EFTUD2: variants seen among roughly 807,000 people sequenced by gnomAD.
EFTUD2 encodes 116 kDa U5 small nuclear ribonucleoprotein component.
A neutral mutation model predicts 114.3 loss-of-function variants in EFTUD2; 9 were observed. That is an observed-to-expected ratio of 0.08 (90% confidence interval 0.05 to 0.14). The LOEUF is 0.14. EFTUD2 is among the 10% of genes least tolerant of loss of function. The pLI is 1.00. For synonymous variants in EFTUD2, 449 were observed against 462.3 expected (o/e 0.97, Z 0.37); for missense variants, 765 against 1,241.2 (o/e 0.62, Z 5.76).
intron 20 of EFTUD2, among the ~76,000 whole-genome samples, chr17:44,855,660 A>G (rs1177484544): frequency 6.6e-6 from 1 of 152,130 alleles, no homozygotes. Flanking sequence ...TCTCTATAAA[A>G]AATTAGCCAG....
Position 44,861,536 on chromosome 17 carries a change from A to AT in EFTUD2, c.1608-994dup, listed in dbSNP as rs1029000422. On this transcript the variant is annotated intron_variant, in intron 16 of 27. Coordinates refer to ENST00000426333, the MANE Select transcript of EFTUD2 (RefSeq NM_004247.4). ...ATCATGAGGTCAGGAGATCGAGACC[A>AT]TTCTGGCTAATACGGTGAAACCTGT... Among the ~76,000 whole-genome samples, 54 of 151,906 alleles carry AT rather than the reference A, an allele frequency of 3.6e-4. 1 individual carries two copies. Among genetic ancestry groups the AT allele is most frequent in the African/African-American group, 1.2e-3 (48 of 41,422 alleles).
rs1229976855 is a variant in EFTUD2 at position 44,851,190 on chromosome 17, A to C, written c.*84T>G. On this transcript the variant is annotated 3_prime_UTR_variant, in exon 28 of 28. Coordinates refer to ENST00000426333, the MANE Select transcript of EFTUD2 (RefSeq NM_004247.4). ...TTCCAGACACTCTCTGACAACACGA[A>C]GGCCACGTCATATGAGGTCTCAGCT... 1 of 1,131,728 alleles carries C rather than the reference A, an allele frequency of 8.8e-7. No homozygotes were observed. The highest frequency in any genetic ancestry group is 1.5e-5 in the African/African-American group (1 of 65,558). 70.1% of individuals were successfully genotyped at this position (1,131,728 alleles called of 1,614,324 possible). A position where few individuals can be genotyped will look rare whatever the true frequency, so the allele number is the denominator to read the frequency against.
chr17:44,873,516 T>G (rs920571977), intron 10 of EFTUD2, among the ~76,000 whole-genome samples: 1 of 151,572 alleles, frequency 6.6e-6, no homozygotes, highest in African/African-American at 2.4e-5. Flanking sequence ...CCACCAAGCC[T>G]GGCTAATTTT....
At chr17:44,872,697 T>C (rs572165616) in intron 10 of EFTUD2, 127 bp from the exon 11 acceptor site, 2 of 1,244,472 alleles carry the variant, frequency 1.6e-6, no homozygotes, top group South Asian at 3.2e-5. Context: ...TGCAAGACAC[T>C]CAGTTTTGCC....
intron 4 of EFTUD2, 37 bp from the exon 5 acceptor site, chr17:44,883,761 CA>C (rs1253653045): frequency 1.9e-6 from 3 of 1,602,380 alleles, no homozygotes; most frequent in Non-Finnish European, 2.6e-6. Context: ...GAGAGATTGG[CA>C]AACGTTTCCA....
chr17:44,859,087 T>G lies in EFTUD2; in HGVS notation c.1955A>C (p.Asp652Ala). ...CGGCAGATACTGCTGTACCTTGATG[T>G]CTATCTCTGAGTACATCTTCCGCAA... Reference protein sequence around the residue: ...HDLRKMYSEIDIKVADPVVTF... With the variant: ...HDLRKMYSEIAIKVADPVVTF... The change falls in exon 19 of 28, where the codon GAC becomes GCC. Residue 652 changes from aspartate (D) to alanine (A), a missense_variant. Coordinates refer to ENST00000426333, the MANE Select transcript of EFTUD2 (RefSeq NM_004247.4). The G allele has an allele frequency of 6.2e-7, 1 of 1,610,748 alleles. No homozygotes were observed. Among genetic ancestry groups the G allele is most frequent in the Non-Finnish European group, 8.5e-7 (1 of 1,176,910 alleles).
intron 11 of EFTUD2, 100 bp from the exon 12 acceptor site, chr17:44,868,450 C>T: frequency 8.7e-7 from 1 of 1,144,234 alleles, no homozygotes; most frequent in Non-Finnish European, 1.3e-6. Flanking sequence ...ACTTCTAGCA[C>T]TTTCCTTTCC....
chr17:44,868,516 A>G (rs1267199121), intron 11 of EFTUD2, 166 bp from the exon 12 acceptor site: 3 of 618,950 alleles, frequency 4.8e-6, no homozygotes, highest in East Asian at 5.7e-5. Context: ...TGAGGCACAA[A>G]GAAGGACAAG....
intron 15 of EFTUD2, chr17:44,863,200 C>A: frequency 3.3e-6 from 1 of 301,180 alleles, no homozygotes; most frequent in Non-Finnish European, 6.1e-6. Flanking sequence ...CTTACTGTCC[C>A]AAATTTCCTC....
At chr17:44,878,486 T>C (rs1438984394) in intron 9 of EFTUD2, among the ~76,000 whole-genome samples, 1 of 152,166 alleles carries the variant, frequency 6.6e-6, no homozygotes, top group Non-Finnish European at 1.5e-5. Flanking sequence ...ATAACGGAAA[T>C]TGTTGGTATG....
In EFTUD2 at chr17:44,879,728, C is replaced by G. The variant is rs373993924; in HGVS notation, c.620-90G>C. On this transcript the variant is annotated intron_variant, in intron 8 of 27. Coordinates refer to ENST00000426333, the MANE Select transcript of EFTUD2 (RefSeq NM_004247.4). ...TGAACTGAGGGGGCACTTCAAAGCCCGTGAACCTCCGAATATCCCCTTTCC... is the reference window on the plus strand; with the variant it reads ...TGAACTGAGGGGGCACTTCAAAGCCGGTGAACCTCCGAATATCCCCTTTCC... The G allele has an allele frequency of 8.9e-6, 11 of 1,239,466 alleles. No homozygotes were observed. The African/African-American group carries it at 1.0e-4, about 12-fold the overall frequency. The allele number at this position is 1,239,466 out of a possible 1,614,324, so 76.8% of individuals were successfully genotyped here.
chr17:44,881,364 T>C (rs563188861), intron 7 of EFTUD2, among the ~76,000 whole-genome samples: 2 of 152,358 alleles, frequency 1.3e-5, no homozygotes. Flanking sequence ...GATGTCATTT[T>C]AAAAAAATCA....
At chr17:44,882,437 GTAGAGA>G (rs1377853900) in intron 6 of EFTUD2, among the ~76,000 whole-genome samples, 1 of 151,766 alleles carries the variant, frequency 6.6e-6, no homozygotes, top group Non-Finnish European at 1.5e-5. Context: ...TGCATTTTTA[GTAGAGA>G]TAGAGTTTCG....
chr17:44,872,677 A>G lies in EFTUD2; in HGVS notation c.870-107T>C, dbSNP rs1039838046. On this transcript the variant is annotated intron_variant, in intron 10 of 27. Coordinates refer to ENST00000426333, the MANE Select transcript of EFTUD2 (RefSeq NM_004247.4). ...ATCACAGCCACTCTCCAGCCCTCGG[A>G]AGGGACTTGTGCAAGACACTCAGTT... 3.6e-6 allele frequency: 5 copies of G among 1,403,536 alleles called. No individual in the cohort carries two copies. In the African/African-American group the frequency reaches 5.8e-5, roughly 16 times the overall value. 86.9% of individuals were successfully genotyped at this position (1,403,536 alleles called of 1,614,324 possible).
intron 20 of EFTUD2, among the ~76,000 whole-genome samples, chr17:44,856,082 G>A (rs1011373815): frequency 1.3e-5 from 2 of 149,570 alleles, no homozygotes; most frequent in South Asian, 2.1e-4. Context: ...AGTGACCCAT[G>A]GTGGCACCAC....
intron 1 of EFTUD2, among the ~76,000 whole-genome samples, chr17:44,898,472 T>C (rs1244875742): frequency 2.0e-5 from 3 of 152,058 alleles, no homozygotes; most frequent in Non-Finnish European, 4.4e-5. Context: ...CGCCCGCGTC[T>C]TTCTCCCAAA....
intron 9 of EFTUD2, 168 bp downstream of exon 9, chr17:44,879,388 A>T (rs1411356154): frequency 1.5e-6 from 1 of 657,462 alleles, no homozygotes; most frequent in Non-Finnish European, 2.6e-6. Context: ...ACCCGGTAAG[A>T]ATTAATTTTG....
intron 1 of EFTUD2, 80 bp from the exon 2 acceptor site, chr17:44,894,605 A>G (rs937393531): frequency 2.2e-5 from 24 of 1,078,644 alleles, no homozygotes; most frequent in African/African-American, 3.1e-5. Context: ...GTCTAGTCTT[A>G]GTCTTATGGT....
intron 3 of EFTUD2, among the ~76,000 whole-genome samples, chr17:44,886,157 C>T (rs573991547): frequency 2.0e-4 from 31 of 152,226 alleles, no homozygotes; most frequent in African/African-American, 7.2e-4. Flanking sequence ...TTGCTTGAAT[C>T]AGGGAGGCGG....
Sources: allele counts gnomAD v4.1 joint callset (sites outside exome capture counted in the v4.1 genomes callset), GRCh38; gene constraint gnomAD v4.1.1; transcripts MANE v1.5; gene names NCBI Gene and HGNC (gene_info 2026-07-23, HGNC 2026-07-21).